ENTREP2: variants seen among roughly 807,000 people sequenced by gnomAD.
ENTREP2 encodes the protein endosomal transmembrane epsin interactor 2.
At chr15:29,654,984 TTCTATC>T in the ENTREP2 span, among the ~76,000 whole-genome samples, 2 of 152,176 alleles carry the variant, frequency 1.3e-5, no homozygotes, top group African/African-American at 4.8e-5. Context: ...GTTATGCTGT[TTCTATC>T]TCTGTTTCTA....
At chr15:29,597,771 G>A in the ENTREP2 span, among the ~76,000 whole-genome samples, 2 of 152,064 alleles carry the variant, frequency 1.3e-5, no homozygotes, top group Non-Finnish European at 2.9e-5. Flanking sequence ...AGGGACATAC[G>A]CTTCCAAATC....
At chr15:29,465,467 C>T in the ENTREP2 span, among the ~76,000 whole-genome samples, 1 of 152,136 alleles carries the variant, frequency 6.6e-6, no homozygotes, top group Non-Finnish European at 1.5e-5. Context: ...TCAGAAATGC[C>T]ACTGAAGGAC....
At chr15:29,362,727 T>G in the ENTREP2 span, among the ~76,000 whole-genome samples, 1 of 152,122 alleles carries the variant, frequency 6.6e-6, no homozygotes, top group Admixed American at 6.5e-5. Context: ...AAAAGTTAAG[T>G]TTTTATATAT....
chr15:29,242,420 TTAAA>T, the ENTREP2 span, among the ~76,000 whole-genome samples: 3 of 152,240 alleles, frequency 2.0e-5, no homozygotes, highest in East Asian at 5.8e-4. Context: ...AATCCATTTT[TTAAA>T]TAAAGTTTTG....
chr15:29,337,998 C>T, the ENTREP2 span, among the ~76,000 whole-genome samples: 1 of 152,258 alleles, frequency 6.6e-6, no homozygotes, highest in East Asian at 1.9e-4. Context: ...ACAACAACAC[C>T]TTCTTTTTGC....
the ENTREP2 span, among the ~76,000 whole-genome samples, chr15:29,510,509 T>C: frequency 2.0e-5 from 3 of 152,128 alleles, no homozygotes; most frequent in Non-Finnish European, 4.4e-5. Flanking sequence ...CAAATGCCCA[T>C]CAATGTTAGA....
At chr15:29,479,784 T>C in the ENTREP2 span, among the ~76,000 whole-genome samples, 2 of 152,100 alleles carry the variant, frequency 1.3e-5, no homozygotes, top group Non-Finnish European at 2.9e-5. Flanking sequence ...GCCAGGAATC[T>C]TGCAGAAGAA....
chr15:29,534,790 A>T, the ENTREP2 span, among the ~76,000 whole-genome samples: 5 of 152,230 alleles, frequency 3.3e-5, no homozygotes, highest in African/African-American at 1.2e-4. Flanking sequence ...GTGGCCAGGC[A>T]CAAAGTTTTC....
chr15:29,665,571 G>A, the ENTREP2 span, among the ~76,000 whole-genome samples: 7 of 152,272 alleles, frequency 4.6e-5, no homozygotes, highest in Middle Eastern at 3.4e-3. Flanking sequence ...CTGAAATGTC[G>A]TTAAAGTCAT....
chr15:29,585,824 C>G, the ENTREP2 span, among the ~76,000 whole-genome samples: 1 of 146,126 alleles, frequency 6.8e-6, no homozygotes, highest in East Asian at 2.0e-4. Flanking sequence ...CCATTGCACT[C>G]CAGCCTGGGC....
the ENTREP2 span, among the ~76,000 whole-genome samples, chr15:29,661,999 C>T: frequency 2.6e-5 from 4 of 151,866 alleles, no homozygotes; most frequent in Non-Finnish European, 5.9e-5. Flanking sequence ...TCACTTGAGG[C>T]CAGGAGTTCG....
At chr15:29,600,280 A>G in the ENTREP2 span, among the ~76,000 whole-genome samples, 3 of 152,210 alleles carry the variant, frequency 2.0e-5, no homozygotes, top group Non-Finnish European at 2.9e-5. Context: ...TGCCTTACTG[A>G]CATCATTCAT....
the ENTREP2 span, among the ~76,000 whole-genome samples, chr15:29,293,437 TA>T: frequency 6.6e-6 from 1 of 151,326 alleles, no homozygotes; most frequent in African/African-American, 2.4e-5. Context: ...TTTTTTTTTT[TA>T]GTAGAGACAG....
the ENTREP2 span, among the ~76,000 whole-genome samples, chr15:29,272,737 A>G: frequency 3.9e-5 from 6 of 152,208 alleles, no homozygotes; most frequent in African/African-American, 1.4e-4. Context: ...AGAAATGTGC[A>G]TATGCGCAAT....
At chr15:29,608,115 C>A in the ENTREP2 span, among the ~76,000 whole-genome samples, 4 of 152,090 alleles carry the variant, frequency 2.6e-5, no homozygotes, top group African/African-American at 7.2e-5. Context: ...ATTGTGCCCA[C>A]CAGATTAAGG....
At chr15:29,643,412 C>A in the ENTREP2 span, among the ~76,000 whole-genome samples, 1 of 152,116 alleles carries the variant, frequency 6.6e-6, no homozygotes, top group Non-Finnish European at 1.5e-5. Context: ...AAATGCAAAT[C>A]TAAACCACAT....
At chr15:29,511,699 T>C in the ENTREP2 span, among the ~76,000 whole-genome samples, 1 of 151,332 alleles carries the variant, frequency 6.6e-6, no homozygotes, top group Non-Finnish European at 1.5e-5. Flanking sequence ...TTCTGAATGA[T>C]AAAAACTGAC....
chr15:29,154,378 G>A, the ENTREP2 span, among the ~76,000 whole-genome samples: 1 of 151,822 alleles, frequency 6.6e-6, no homozygotes, highest in Non-Finnish European at 1.5e-5. Flanking sequence ...CTCTTAGAGG[G>A]TAAACTTGAT....
At chr15:29,334,054 C>G in the ENTREP2 span, among the ~76,000 whole-genome samples, 1 of 152,194 alleles carries the variant, frequency 6.6e-6, no homozygotes, top group Non-Finnish European at 1.5e-5. Flanking sequence ...ACGCTGCCAA[C>G]ACCTTGATCT....
Sources: gnomAD v4.1 joint callset for allele counts (sites outside exome capture counted in the v4.1 genomes callset) on GRCh38, gnomAD v4.1.1 for gene constraint, MANE v1.5 for transcripts, NCBI Gene and HGNC (gene_info 2026-07-23, HGNC 2026-07-21) for gene names.